The following CACNB2 variants were observed in gnomAD, a reference collection of about 807,000 sequenced individuals.
The protein encoded by CACNB2 is calcium voltage-gated channel auxiliary subunit beta 2.
Under a neutral mutation model 73.3 loss-of-function variants are expected in CACNB2, and 42 were observed. The ratio of observed to expected loss-of-function variants is 0.57; its 90% CI spans 0.45 to 0.74. CACNB2 has a LOEUF of 0.74. Among genes scored for constraint, CACNB2 ranks in the 30% least tolerant of loss-of-function variants. The probability of loss-of-function intolerance (pLI) is 0.00; values close to 1 mark genes in which losing one functional copy is unlikely to be tolerated. For missense variants in CACNB2, 940 were observed against 853.0 expected, an observed-to-expected ratio of 1.10 and a Z score of -1.27; for synonymous variants, 348 against 310.3, an observed-to-expected ratio of 1.12 and a Z score of -1.28.
In CACNB2 at chr10:18,297,375, C is replaced by T. The variant is rs574341157; in HGVS notation, c.214-104549C>T. On this transcript the variant is annotated intron_variant, in intron 2 of 13. Coordinates refer to ENST00000324631, the MANE Select transcript of CACNB2 (RefSeq NM_201596.3). ...CCTGGGCAACACAGCAAGACCCTGCCTCTACAAAAACATTTAGAAGAATTT... is the reference window on the plus strand; with the variant it reads ...CCTGGGCAACACAGCAAGACCCTGCTTCTACAAAAACATTTAGAAGAATTT... 6.6e-5 allele frequency among the ~76,000 whole-genome samples: 10 copies of T among 152,238 alleles called. No individual in the cohort carries two copies. The South Asian group carries it at 2.1e-3, about 32-fold the overall frequency.
rs189275256 is a variant in CACNB2 at position 18,186,341 on chromosome 10, C to T, written c.213+35366C>T. On this transcript the variant is annotated intron_variant, in intron 2 of 13. Coordinates refer to ENST00000324631, the MANE Select transcript of CACNB2 (RefSeq NM_201596.3). ...GGCTGAGGCAAGAGAATTGCTTGAA[C>T]CTGGGAGGCGGAGGCTGCGGTGAGC... Among the ~76,000 whole-genome samples the T allele has an allele frequency of 6.6e-3, 1,005 of 152,062 alleles. 3 individuals carry two copies. The highest frequency in any genetic ancestry group is 0.031 in the Middle Eastern group (9 of 290).
chr10:18,442,956 A>ATG (rs1410162538), intron 3 of CACNB2, among the ~76,000 whole-genome samples: 7 of 19,314 alleles, frequency 3.6e-4, no homozygotes, highest in Non-Finnish European at 5.4e-4. Flanking sequence ...ATATATATAT[A>ATG]TGTATATATA....
At chr10:18,484,057 A>T (rs944139388) in intron 3 of CACNB2, among the ~76,000 whole-genome samples, 1 of 152,204 alleles carries the variant, frequency 6.6e-6, no homozygotes, top group Admixed American at 6.5e-5. Context: ...AGATTGCCTT[A>T]TATCAGGCTG....
chr10:18,381,851 A>G (rs756334054), intron 2 of CACNB2, among the ~76,000 whole-genome samples: 4 of 152,118 alleles, frequency 2.6e-5, no homozygotes, highest in East Asian at 3.9e-4. Flanking sequence ...AACAATACAC[A>G]TTCATGATGT....
At chr10:18,340,897 A>G (rs747286792) in intron 2 of CACNB2, 26 of 1,613,998 alleles carry the variant, frequency 1.6e-5, no homozygotes, top group Non-Finnish European at 2.1e-5. Flanking sequence ...TTCCTGCTGG[A>G]GTGCTGGGCG....
chr10:18,385,364 A>ACC (rs754737184), intron 2 of CACNB2, among the ~76,000 whole-genome samples: 72 of 83,158 alleles, frequency 8.7e-4, no homozygotes, highest in African/African-American at 2.2e-3. Context: ...GATTTGTAAT[A>ACC]CCCCCCCCCC....
chr10:18,481,217 TATATATATATA>T (rs2048732133), intron 3 of CACNB2, among the ~76,000 whole-genome samples: 4 of 13,492 alleles, frequency 3.0e-4, no homozygotes, highest in Non-Finnish European at 5.7e-4. Context: ...TATATATATA[TATATATATATA>T]TATTTTTTTT....
At chr10:18,535,217 G>C (rs552417820) in intron 11 of CACNB2, among the ~76,000 whole-genome samples, 2 of 152,262 alleles carry the variant, frequency 1.3e-5, no homozygotes, top group Admixed American at 1.3e-4. Flanking sequence ...TTGCACTGCA[G>C]GTTCAGATTC....
chr10:18,220,282 G>A (rs1234882083), intron 2 of CACNB2, among the ~76,000 whole-genome samples: 2 of 133,540 alleles, frequency 1.5e-5, no homozygotes, highest in Non-Finnish European at 3.1e-5. Flanking sequence ...GAGAAAGAGA[G>A]AGAATCTTAT....
At position 18,140,772 on chromosome 10, in the gene CACNB2, A is replaced by AGCG. The variant is rs759384990; in HGVS notation, c.47_49dup (p.Ala16dup). The AGCG allele has an allele frequency of 6.9e-6, 11 of 1,597,856 alleles. No homozygotes were observed. Among genetic ancestry groups the AGCG allele is most frequent in the South Asian group, 1.1e-5 (1 of 88,324 alleles). On this transcript the variant is annotated inframe_insertion, in exon 1 of 14. Coordinates refer to ENST00000324631, the MANE Select transcript of CACNB2 (RefSeq NM_201596.3). Reference sequence around the variant, plus strand: ...GGGACATGTCCAAGTCGCCTCCCACAGCGGCGGCGGCGGTGGCGCAGGAGA... The same window carrying AGCG: ...GGGACATGTCCAAGTCGCCTCCCACAGCGGCGGCGGCGGCGGTGGCGCAGGAGA...
intron 2 of CACNB2, among the ~76,000 whole-genome samples, chr10:18,288,609 T>C (rs2038904452): frequency 1.3e-5 from 2 of 151,160 alleles, no homozygotes; most frequent in South Asian, 4.2e-4. Flanking sequence ...CCATGAGTAC[T>C]GTATTCCCTG....
chr10:18,459,864 G>A (rs762648494), intron 3 of CACNB2, among the ~76,000 whole-genome samples: 4 of 152,106 alleles, frequency 2.6e-5, no homozygotes, highest in Admixed American at 6.6e-5. Flanking sequence ...TGGGAATGAC[G>A]ATGGGTGCCT....
At chr10:18,354,924 T>C (rs948460359) in intron 2 of CACNB2, among the ~76,000 whole-genome samples, 1 of 118,644 alleles carries the variant, frequency 8.4e-6, no homozygotes, top group Non-Finnish European at 1.9e-5. Context: ...TCCAAAACTT[T>C]TTGAGTACTT....
At chr10:18,480,350 T>C (rs1055358887) in intron 3 of CACNB2, among the ~76,000 whole-genome samples, 1 of 152,190 alleles carries the variant, frequency 6.6e-6, no homozygotes, top group Admixed American at 6.5e-5. Context: ...AGACTGATTC[T>C]CCTTGAGCAT....
At chr10:18,369,122 C>G (rs547102412) in intron 2 of CACNB2, among the ~76,000 whole-genome samples, 2 of 152,072 alleles carry the variant, frequency 1.3e-5, no homozygotes, top group African/African-American at 4.8e-5. Context: ...TGTGTTTATT[C>G]CTTAAAATGA....
chr10:18,230,194 C>A (rs769353579), intron 2 of CACNB2, among the ~76,000 whole-genome samples: 2 of 152,168 alleles, frequency 1.3e-5, no homozygotes. Flanking sequence ...CCCCAACTCC[C>A]TTGTTCTCCA....
chr10:18,447,920 G>A (rs2046815489), intron 3 of CACNB2, among the ~76,000 whole-genome samples: 2 of 151,952 alleles, frequency 1.3e-5, no homozygotes, highest in Non-Finnish European at 2.9e-5. Context: ...TTAAGGGCAT[G>A]GGCAAAATGA....
chr10:18,150,855 C>CTTTTTTTTATT, intron 1 of CACNB2, 28 bp from the exon 2 acceptor site: 1 of 483,392 alleles, frequency 2.1e-6, no homozygotes, highest in Non-Finnish European at 3.1e-6. Flanking sequence ...TCTTATTTGT[C>CTTTTTTTTATT]TTTTTTTTTT....
intron 2 of CACNB2, among the ~76,000 whole-genome samples, chr10:18,171,012 A>C (rs1302770018): frequency 6.6e-6 from 1 of 152,316 alleles, no homozygotes; most frequent in East Asian, 1.9e-4. Flanking sequence ...TGTGTGCTCT[A>C]TTTGGTACCG....
Sources: allele counts gnomAD v4.1 joint callset (sites outside exome capture counted in the v4.1 genomes callset), GRCh38; gene constraint gnomAD v4.1.1; transcripts MANE v1.5; gene names NCBI Gene and HGNC (gene_info 2026-07-23, HGNC 2026-07-21).